PIP5K1C: variants seen among roughly 807,000 people sequenced by gnomAD.
The protein encoded by PIP5K1C is phosphatidylinositol-4-phosphate 5-kinase type 1 gamma.
PIP5K1C carries 45 observed loss-of-function variants against 80.1 expected under a neutral mutation model. The observed-to-expected ratio is 0.56, with a 90% CI of 0.44 to 0.72. The LOEUF (loss-of-function observed/expected upper bound fraction) is 0.72. Among genes scored for constraint, PIP5K1C ranks in the 30% least tolerant of loss-of-function variants. PIP5K1C has a pLI of 0.00. For missense variants in PIP5K1C, 753 were observed against 954.6 expected (o/e 0.79, Z 2.78); for synonymous variants, 498 against 420.1 (o/e 1.19, Z -2.27).
rs3826944 is a variant in PIP5K1C, at chr19:3,660,946, G to A, written c.468+20C>T. ...TGTTCTGTTTCAAGCCTGGAAGCCC[G>A]TAACAGCAAATATGCTTACCAAGTA... On this transcript the variant is annotated intron_variant, in intron 5 of 17. Transcript: ENST00000335312. 876,020 of 1,589,286 alleles carry A rather than the reference G, an allele frequency of 0.55. 244,414 individuals carry two copies. Among genetic ancestry groups the A allele is most frequent in the East Asian group, 0.72 (32,049 of 44,672 alleles).
At chr19:3,698,884 C>A (rs1326536951) in intron 1 of PIP5K1C, among the ~76,000 whole-genome samples, 2 of 151,638 alleles carry the variant, frequency 1.3e-5, no homozygotes, top group East Asian at 3.9e-4. Context: ...CTGTGGATTT[C>A]AGGGATGGGC....
rs572656496 is a variant in PIP5K1C, at chr19:3,637,312, G to A, written c.1920+1572C>T. On this transcript the variant is annotated intron_variant, in intron 16 of 17. Coordinates refer to ENST00000335312, the MANE Select transcript of PIP5K1C (RefSeq NM_012398.3). This position sits in a 1 kb window ranked among gnomAD's most constrained non-coding sequence, Gnocchi z 7.0. The stretch of plus-strand genomic sequence containing the variant: ...TGGTGATGGTGCTGCCCTATGGAGC[G>A]CCCGGTTCGACGTGGGACCGAATGA... 74 of 1,520,492 alleles carry A rather than the reference G, an allele frequency of 4.9e-5. No individual in the cohort carries two copies. In the Admixed American group the frequency reaches 9.8e-4, roughly 20 times the overall value. 94.2% of individuals were successfully genotyped at this position (1,520,492 alleles called of 1,614,324 possible).
intron 1 of PIP5K1C, among the ~76,000 whole-genome samples, chr19:3,678,462 GAGGA>G (rs2035471110): frequency 7.6e-6 from 1 of 132,002 alleles, no homozygotes; most frequent in Non-Finnish European, 1.7e-5. Context: ...TGGAGGGATG[GAGGA>G]TGGAGGGATG....
chr19:3,656,548 A>T lies in PIP5K1C; in HGVS notation c.478T>A (p.Cys160Ser). 6.2e-7 allele frequency: 1 copy of T among 1,613,628 alleles called. No homozygotes were observed. The stretch of plus-strand genomic sequence containing the variant: ...GACAGCTCGATCAGCGGCTCATTGC[A>T]CAGGGAGTACTGGAAGCAGAGGAGG... ...IRPDDYLYSL[C>S]NEPLIELSNP... The change falls in exon 6 of 18, where the codon TGC (cysteine) becomes AGC (serine). Residue 160 changes from cysteine (C) to serine (S), a missense_variant. Coordinates refer to ENST00000335312, the MANE Select transcript of PIP5K1C (RefSeq NM_012398.3).
chr19:3,667,470 G>A (rs1427904702), intron 1 of PIP5K1C, 117 bp from the exon 2 acceptor site: 3 of 1,113,424 alleles, frequency 2.7e-6, no homozygotes, highest in Admixed American at 1.7e-5. Flanking sequence ...CTCCGCGTGG[G>A]GCTGGTCTCA....
chr19:3,675,189 C>CTCAGTT (rs1568347144), intron 1 of PIP5K1C, among the ~76,000 whole-genome samples: 1 of 152,162 alleles, frequency 6.6e-6, no homozygotes, highest in African/African-American at 2.4e-5. Context: ...TCTGTGAATA[C>CTCAGTT]GCCGAGAAGA....
chr19:3,661,860 G>A lies in PIP5K1C; in HGVS notation c.350+11C>T, dbSNP rs757798721. On this transcript the variant is annotated intron_variant, in intron 4 of 17. Transcript: ENST00000335312. ...CTGGGTGAGCCCTGAGGCTCCGGGGGCCCGGCCCACCTGGGGAAGAAGATG... is the reference window on the plus strand; with the variant it reads ...CTGGGTGAGCCCTGAGGCTCCGGGGACCCGGCCCACCTGGGGAAGAAGATG... The A allele has an allele frequency of 4.3e-6, 7 of 1,610,742 alleles. No individual in the cohort carries two copies. The highest frequency in any genetic ancestry group is 4.5e-5 in the East Asian group (2 of 44,874).
At chr19:3,656,598 G>A (rs771238593) in intron 5 of PIP5K1C, 41 bp from the exon 6 acceptor site, 7 of 1,609,726 alleles carry the variant, frequency 4.3e-6, no homozygotes, top group East Asian at 4.5e-5. Flanking sequence ...CCAAGCTGCC[G>A]GACACACAGA....
chr19:3,661,796 G>A (rs902682832), intron 4 of PIP5K1C, 75 bp downstream of exon 4: 13 of 1,572,690 alleles, frequency 8.3e-6, no homozygotes, highest in African/African-American at 5.4e-5. Flanking sequence ...AGAGAAGGGC[G>A]CTCAGGACAG....
intron 5 of PIP5K1C, among the ~76,000 whole-genome samples, chr19:3,657,976 C>A (rs2034694619): frequency 6.6e-6 from 1 of 152,114 alleles, no homozygotes; most frequent in Non-Finnish European, 1.5e-5. Context: ...TTGGAAAATG[C>A]TGGAAGAGCC....
chr19:3,685,534 T>A (rs1257172331), intron 1 of PIP5K1C, among the ~76,000 whole-genome samples: 2 of 151,928 alleles, frequency 1.3e-5, no homozygotes, highest in African/African-American at 2.4e-5. Context: ...ATCGAGACCA[T>A]CCTGGCTAAC....
At position 3,673,487 on chromosome 19, in the gene PIP5K1C, C is replaced by T. The variant is rs557672655; in HGVS notation, c.95-6134G>A. On this transcript the variant is annotated intron_variant, in intron 1 of 17. Transcript: ENST00000335312. Reference sequence around the variant, plus strand: ...CAAGGGAAGGCCAGTGAGAAAGGGGCGGCAGTGGGACCCAGGTGTGTCAGA... The same window carrying T: ...CAAGGGAAGGCCAGTGAGAAAGGGGTGGCAGTGGGACCCAGGTGTGTCAGA... 3.3e-5 allele frequency among the ~76,000 whole-genome samples: 5 copies of T among 152,304 alleles called. No homozygotes were observed. The South Asian group carries it at 8.3e-4, about 25-fold the overall frequency.
intron 1 of PIP5K1C, among the ~76,000 whole-genome samples, chr19:3,695,729 C>CTTT (rs35334182): frequency 2.3e-5 from 3 of 130,962 alleles, no homozygotes; most frequent in South Asian, 2.5e-4. Context: ...CCCACTGACC[C>CTTT]TTTTTTTTTT....
At chr19:3,640,403 C>A (rs909701501) in intron 15 of PIP5K1C, among the ~76,000 whole-genome samples, 1 of 152,080 alleles carries the variant, frequency 6.6e-6, no homozygotes, top group African/African-American at 2.4e-5. Flanking sequence ...GTAATCCCAG[C>A]TACTCGGGAG....
chr19:3,641,082 G>C (rs1217225737), intron 15 of PIP5K1C, among the ~76,000 whole-genome samples: 1 of 151,924 alleles, frequency 6.6e-6, no homozygotes, highest in Non-Finnish European at 1.5e-5. Flanking sequence ...ATGCGTGGTG[G>C]TGGGTGCCTG....
rs898141217 is a variant in PIP5K1C at position 3,648,927 on chromosome 19, G to C, written c.1128-219C>G. ...GCCCAGGCACTGCTGAGGAGTCCCAGCTAGGAGGCCTGGGCACATACCCCC... is the reference window on the plus strand; with the variant it reads ...GCCCAGGCACTGCTGAGGAGTCCCACCTAGGAGGCCTGGGCACATACCCCC... On this transcript the variant is annotated intron_variant, in intron 8 of 17. Coordinates refer to ENST00000335312, the MANE Select transcript of PIP5K1C (RefSeq NM_012398.3). The surrounding 1 kb of genome is among the most constrained non-coding windows in gnomAD (Gnocchi z 4.3). Among the ~76,000 whole-genome samples the C allele has an allele frequency of 5.3e-5, 8 of 152,114 alleles. No homozygotes were observed. Among genetic ancestry groups the C allele is most frequent in the Non-Finnish European group, 7.4e-5 (5 of 67,998 alleles).
intron 2 of PIP5K1C, among the ~76,000 whole-genome samples, chr19:3,666,113 G>C (rs1285976838): frequency 2.0e-5 from 3 of 152,232 alleles, no homozygotes; most frequent in Non-Finnish European, 4.4e-5. Flanking sequence ...CACGCCGGGG[G>C]ACTCTGAGGA....
At chr19:3,687,759 T>C (rs1178246523) in intron 1 of PIP5K1C, among the ~76,000 whole-genome samples, 1 of 152,102 alleles carries the variant, frequency 6.6e-6, no homozygotes, top group Non-Finnish European at 1.5e-5. Context: ...AGGCCGCCCC[T>C]CTTCCTTGCC....
intron 5 of PIP5K1C, among the ~76,000 whole-genome samples, chr19:3,657,261 G>A (rs545808545): frequency 6.6e-6 from 1 of 152,310 alleles, no homozygotes; most frequent in East Asian, 1.9e-4. Context: ...TTAGGCAGAA[G>A]GTCCGTGCAG....
Sources: gnomAD v4.1 joint callset for allele counts (sites outside exome capture counted in the v4.1 genomes callset) on GRCh38, gnomAD v4.1.1 for gene constraint, Gnocchi (gnomAD v3.1) non-coding constraint, MANE v1.5 for transcripts, NCBI Gene and HGNC (gene_info 2026-07-23, HGNC 2026-07-21) for gene names.